The following XG variants were observed in gnomAD, a reference collection of about 807,000 sequenced individuals.
XG encodes the protein Xg glycoprotein (Xg blood group), also known as glycoprotein Xg.
In XG, 24 loss-of-function variants were observed where a neutral mutation model predicts 25.7. The observed-to-expected ratio is 0.93, with a 90% confidence interval of 0.68 to 1.31. XG has a LOEUF of 1.31. Among genes scored for constraint, XG ranks in the 40% most tolerant of loss-of-function variants. XG has a pLI of 0.00. For missense variants in XG, 181 were observed against 187.6 expected, an observed-to-expected ratio of 0.96 and a Z score of 0.21; for synonymous variants, 77 against 69.2, an observed-to-expected ratio of 1.11 and a Z score of -0.56.
chrX:2,780,425 T>TTCAA (rs1556369958), intron 3 of XG, among the ~76,000 whole-genome samples: 2 of 126,662 alleles, frequency 1.6e-5, no homozygotes, highest in Non-Finnish European at 1.6e-5. Flanking sequence ...TTTTTTTTTC[T>TTCAA]AAAAAAAAAA....
intron 3 of XG, 93 bp downstream of exon 3, chrX:2,774,832 G>A (rs1449129597): frequency 2.0e-6 from 3 of 1,519,526 alleles, no homozygotes; most frequent in Non-Finnish European, 2.7e-6. Context: ...AGAACTGTGG[G>A]GTATATGAAA....
At chrX:2,758,784 C>T (rs1223211326) in intron 1 of XG, among the ~76,000 whole-genome samples, 1 of 152,162 alleles carries the variant, frequency 6.6e-6, no homozygotes, top group Non-Finnish European at 1.5e-5. Flanking sequence ...GTCAGTAGGA[C>T]TGAGGCTGAG....
chrX:2,776,361 T>C (rs1386688397), intron 3 of XG, among the ~76,000 whole-genome samples: 47 of 152,142 alleles, frequency 3.1e-4, no homozygotes, highest in African/African-American at 1.1e-3. Flanking sequence ...GCAGGGGCTT[T>C]AAGACTATTA....
chrX:2,760,798 AT>A (rs1355975243), intron 1 of XG, among the ~76,000 whole-genome samples: 2 of 151,216 alleles, frequency 1.3e-5, no homozygotes, highest in African/African-American at 4.9e-5. Flanking sequence ...TTGGGCCCTG[AT>A]CCAACAGGAC....
chrX:2,766,529 G>A (rs972634032), intron 1 of XG, among the ~76,000 whole-genome samples: 3 of 147,874 alleles, frequency 2.0e-5, no homozygotes, highest in Non-Finnish European at 4.5e-5. Flanking sequence ...GCCCAAACAA[G>A]GCAGGTCAGG....
At chrX:2,764,046 T>G (rs2050623151) in intron 1 of XG, among the ~76,000 whole-genome samples, 1 of 152,314 alleles carries the variant, frequency 6.6e-6, no homozygotes, top group Middle Eastern at 3.4e-3. Context: ...CATAAAGACC[T>G]TGCTGATGAA....
chrX:2,770,620 T>A, intron 2 of XG, 29 bp downstream of exon 2: 1 of 1,613,488 alleles, frequency 6.2e-7, no homozygotes, highest in Non-Finnish European at 8.5e-7. Context: ...AGGGGAGCCT[T>A]CCCTTTTCAG....
chrX:2,810,735 G>A, intron 9 of XG, among the ~76,000 whole-genome samples: 1 of 110,264 alleles, frequency 9.1e-6, no homozygotes, highest in Non-Finnish European at 1.9e-5. Flanking sequence ...GGCCAACATG[G>A]TGAAACCCCA....
At chrX:2,807,099 T>C (rs185458595) in intron 8 of XG, among the ~76,000 whole-genome samples, 1 of 103,401 alleles carries the variant, frequency 9.7e-6, no homozygotes, top group Admixed American at 1.1e-4. Flanking sequence ...TGTGCATAAG[T>C]GCATGTGGAT....
intron 1 of XG, among the ~76,000 whole-genome samples, chrX:2,763,495 A>AG (rs1228372136): frequency 8.1e-6 from 1 of 123,214 alleles, no homozygotes; most frequent in Non-Finnish European, 1.7e-5. Flanking sequence ...GGGGGGTGGA[A>AG]GGGGGGTGAG....
intron 2 of XG, among the ~76,000 whole-genome samples, chrX:2,773,980 G>A (rs2050914170): frequency 2.0e-5 from 3 of 151,940 alleles, no homozygotes; most frequent in Admixed American, 6.6e-5. Flanking sequence ...CCTTCTTGCA[G>A]TCTCTGCATC....
rs766460218 is a variant in XG, at chrX:2,814,534, A to G, written c.*154A>G. 3 of 620,097 alleles carry G rather than the reference A, an allele frequency of 4.8e-6. No individual in the cohort carries two copies. Among genetic ancestry groups the G allele is most frequent in the Non-Finnish European group, 7.1e-6 (3 of 424,186 alleles). The allele number at this position is 620,097 out of a possible 1,213,427, so 51.1% of individuals were successfully genotyped here. On this transcript the variant is annotated 3_prime_UTR_variant, in exon 11 of 11. Coordinates refer to ENST00000644266, the MANE Select transcript of XG (RefSeq NM_001141919.2). ...AAGTACATGAGCTGCCTCACTAAGC[A>G]TTCCCAACTCATTGAATGTGATGTG...
rs1290289208 is a variant in XG at position 2,811,101 on chromosome X, T to A, written c.455-235T>A. On this transcript the variant is annotated intron_variant, in intron 9 of 10. Coordinates refer to ENST00000644266, the MANE Select transcript of XG (RefSeq NM_001141919.2). ...TCTTTGTGAAAACAGAATTACTTCC[T>A]AAGGTTTTTTTTTCTTTTTTTTTAA... Among the ~76,000 whole-genome samples the A allele has an allele frequency of 4.3e-5, 4 of 92,271 alleles. No individual in the cohort carries two copies. In the South Asian group the frequency reaches 2.1e-3, roughly 49 times the overall value. The allele number at this position is 92,271 out of a possible 115,157, so 80.1% of individuals were successfully genotyped here.
chrX:2,774,660 A>G (rs1171867535), intron 2 of XG, 56 bp from the exon 3 acceptor site: 7 of 1,607,380 alleles, frequency 4.4e-6, no homozygotes, highest in Non-Finnish European at 5.1e-6. Flanking sequence ...GCCTTTCTTC[A>G]TGCTTCCAAT....
intron 4 of XG, among the ~76,000 whole-genome samples, chrX:2,782,746 A>G (rs2086743370): frequency 9.0e-6 from 1 of 111,450 alleles, no homozygotes; most frequent in African/African-American, 3.3e-5. Flanking sequence ...TACAATAGTG[A>G]TGTTACCCCC....
intron 2 of XG, among the ~76,000 whole-genome samples, chrX:2,771,645 T>C (rs2050822070): frequency 6.6e-6 from 1 of 152,186 alleles, no homozygotes; most frequent in Non-Finnish European, 1.5e-5. Context: ...AAATAAACTT[T>C]TGTGTACACA....
intron 7 of XG, among the ~76,000 whole-genome samples, chrX:2,800,144 G>A (rs1409410618): frequency 9.0e-6 from 1 of 111,645 alleles, no homozygotes; most frequent in Admixed American, 9.6e-5. Context: ...CCCCAAATAG[G>A]TGACGTTGGT....
intron 1 of XG, among the ~76,000 whole-genome samples, chrX:2,767,863 G>A (rs886665631): frequency 2.6e-5 from 4 of 152,148 alleles, no homozygotes; most frequent in African/African-American, 4.8e-5. Flanking sequence ...CAACGGCCTC[G>A]TGTGTGTGAG....
At chrX:2,767,168 C>G (rs2050718642) in intron 1 of XG, among the ~76,000 whole-genome samples, 1 of 152,092 alleles carries the variant, frequency 6.6e-6, no homozygotes, top group Non-Finnish European at 1.5e-5. Flanking sequence ...GGCAGGGGAA[C>G]TCCAATAAGA....
Sources: allele counts gnomAD v4.1 joint callset (sites outside exome capture counted in the v4.1 genomes callset), GRCh38; gene constraint gnomAD v4.1.1; transcripts MANE v1.5; gene names NCBI Gene and HGNC (gene_info 2026-07-23, HGNC 2026-07-21).